The following FBXL17 variants were observed in gnomAD, a reference collection of about 807,000 sequenced individuals.
FBXL17 encodes the protein F-box/LRR-repeat protein 17.
FBXL17 carries 22 observed loss-of-function variants against 66.2 expected under a neutral mutation model. That is an observed-to-expected ratio of 0.33 (90% CI 0.24 to 0.47). The LOEUF (loss-of-function observed/expected upper bound fraction) is 0.47, where lower values mean the gene tolerates loss of function less well. Among genes scored for constraint, FBXL17 ranks in the 20% least tolerant of loss-of-function variants. The pLI is 1.00. For synonymous variants in FBXL17, 474 were observed against 400.5 expected (o/e 1.18, Z -2.19); for missense variants, 878 against 948.2 (o/e 0.93, Z 0.97).
At chr5:108,002,625 C>A (rs1033317980) in intron 7 of FBXL17, among the ~76,000 whole-genome samples, 3 of 151,950 alleles carry the variant, frequency 2.0e-5, no homozygotes, top group African/African-American at 4.8e-5. Context: ...GTAGAAATAA[C>A]CCAAATGTCC....
chr5:107,902,342 TTTAA>T (rs1256614327), intron 7 of FBXL17, among the ~76,000 whole-genome samples: 67 of 152,324 alleles, frequency 4.4e-4, no homozygotes, highest in African/African-American at 1.4e-3. Context: ...TCTGAAATGA[TTTAA>T]TTTATTGATA....
At chr5:108,024,910 A>G (rs765185298) in intron 6 of FBXL17, among the ~76,000 whole-genome samples, 8 of 152,092 alleles carry the variant, frequency 5.3e-5, no homozygotes, top group Non-Finnish European at 8.8e-5. Context: ...CTCCTTAGCA[A>G]TAGATTCGTA....
At chr5:108,076,549 A>AT (rs144248403) in intron 6 of FBXL17, among the ~76,000 whole-genome samples, 58,035 of 152,032 alleles carry the variant, frequency 0.38, 11,379 homozygotes, top group Admixed American at 0.45. Flanking sequence ...ATAAAATGTG[A>AT]TTTTTTTAAA....
At chr5:108,245,098 A>C (rs1756034099) in intron 4 of FBXL17, among the ~76,000 whole-genome samples, 1 of 152,158 alleles carries the variant, frequency 6.6e-6, no homozygotes, top group African/African-American at 2.4e-5. Context: ...AAGGTATTTA[A>C]CTCATATAGA....
intron 4 of FBXL17, among the ~76,000 whole-genome samples, chr5:108,272,223 G>A (rs766944777): frequency 5.3e-5 from 8 of 151,918 alleles, no homozygotes; most frequent in Non-Finnish European, 8.8e-5. Flanking sequence ...CCCAGGAGGC[G>A]GAGCTTGCAG....
At chr5:107,882,740 T>A (rs1043593544) in intron 7 of FBXL17, among the ~76,000 whole-genome samples, 1 of 152,212 alleles carries the variant, frequency 6.6e-6, no homozygotes, top group Non-Finnish European at 1.5e-5. Context: ...ATCCTGAAGA[T>A]CTGCTAAGAA....
chr5:108,069,836 T>C (rs914411244), intron 6 of FBXL17, among the ~76,000 whole-genome samples: 2 of 152,238 alleles, frequency 1.3e-5, no homozygotes, highest in Non-Finnish European at 2.9e-5. Flanking sequence ...CAAAGTTCTA[T>C]AGTGCTGATA....
rs1263316508 is a variant in FBXL17 at position 108,255,795 on chromosome 5, G to A, written c.1507-31567C>T. On this transcript the variant is annotated intron_variant, in intron 4 of 8. Transcript: ENST00000542267. The stretch of plus-strand genomic sequence containing the variant: ...AAAAACATTTGTTGAGGAAATTAGG[G>A]GAGGAAATTAGAGGAAAATTAGAAC... Among the ~76,000 whole-genome samples the A allele has an allele frequency of 2.0e-5, 3 of 152,108 alleles. No individual in the cohort carries two copies. In the East Asian group the frequency reaches 5.8e-4, roughly 29 times the overall value.
intron 4 of FBXL17, among the ~76,000 whole-genome samples, chr5:108,324,259 G>A (rs1215470586): frequency 2.0e-5 from 3 of 152,082 alleles, no homozygotes; most frequent in African/African-American, 4.8e-5. Flanking sequence ...ATTTTAAAAT[G>A]AGTAATGTAT....
At chr5:108,264,662 C>T (rs957366261) in intron 4 of FBXL17, among the ~76,000 whole-genome samples, 3 of 151,998 alleles carry the variant, frequency 2.0e-5, no homozygotes, top group Admixed American at 1.3e-4. Context: ...CATCTAGAAA[C>T]CTTTCTAAAT....
chr5:107,866,309 G>T (rs1580664941), intron 8 of FBXL17, among the ~76,000 whole-genome samples: 1 of 152,050 alleles, frequency 6.6e-6, no homozygotes, highest in South Asian at 2.1e-4. Context: ...AGAAAGACTG[G>T]ATTTTATACT....
chr5:108,320,098 A>G (rs1358534101), intron 4 of FBXL17, among the ~76,000 whole-genome samples: 2 of 151,720 alleles, frequency 1.3e-5, no homozygotes, highest in South Asian at 2.1e-4. Context: ...TGCTAGCTAG[A>G]AATTATTTCA....
At chr5:108,247,742 G>A (rs1345533152) in intron 4 of FBXL17, among the ~76,000 whole-genome samples, 1 of 152,040 alleles carries the variant, frequency 6.6e-6, no homozygotes, top group African/African-American at 2.4e-5. Context: ...ACTTATTTCA[G>A]AGTACCCAGG....
At chr5:108,126,261 T>C (rs1196796089) in intron 6 of FBXL17, among the ~76,000 whole-genome samples, 1 of 152,214 alleles carries the variant, frequency 6.6e-6, no homozygotes, top group East Asian at 1.9e-4. Flanking sequence ...ACCTGGCATA[T>C]GAGACATCGG....
intron 4 of FBXL17, among the ~76,000 whole-genome samples, chr5:108,264,775 T>C (rs1482913125): frequency 6.6e-6 from 1 of 151,924 alleles, no homozygotes; most frequent in Non-Finnish European, 1.5e-5. Context: ...GTTGAATAAA[T>C]CTTAGTATGA....
chr5:108,118,764 C>T (rs1001769688), intron 6 of FBXL17, among the ~76,000 whole-genome samples: 1 of 152,210 alleles, frequency 6.6e-6, no homozygotes, highest in African/African-American at 2.4e-5. Flanking sequence ...CTAGACCCCT[C>T]TCTCACTATC....
In FBXL17 at chr5:108,128,405, G is replaced by A. The variant is rs1750803263; in HGVS notation, c.1745+57712C>T. The stretch of plus-strand genomic sequence containing the variant: ...TTCTCTAATATGACCAGTCAGTTGT[G>A]CTACTAGGGATTTTTTAGTCAACTA... On this transcript the variant is annotated intron_variant, in intron 6 of 8. Coordinates refer to ENST00000542267, the MANE Select transcript of FBXL17 (RefSeq NM_001163315.3). 3.3e-5 allele frequency among the ~76,000 whole-genome samples: 5 copies of A among 152,160 alleles called. No individual in the cohort carries two copies. In the South Asian group the frequency reaches 1.0e-3, roughly 32 times the overall value.
Position 108,381,739 on chromosome 5 carries a change from A to G in FBXL17, c.-48T>C. On this transcript the variant is annotated 5_prime_UTR_variant, in exon 1 of 9. Coordinates refer to ENST00000542267, the MANE Select transcript of FBXL17 (RefSeq NM_001163315.3). ...ACCGGGACGGGAGGGAGGGAGACCC[A>G]GAGAGGCGGGCTCCCGGCAGCGGGG... 1 of 1,383,326 alleles carries G rather than the reference A, an allele frequency of 7.2e-7. No individual in the cohort carries two copies. Among genetic ancestry groups the G allele is most frequent in the Non-Finnish European group, 9.3e-7 (1 of 1,075,068 alleles). The allele number at this position is 1,383,326 out of a possible 1,614,324, so 85.7% of individuals were successfully genotyped here.
intron 5 of FBXL17, among the ~76,000 whole-genome samples, chr5:108,213,519 T>C (rs995276877): frequency 6.6e-6 from 1 of 152,164 alleles, no homozygotes; most frequent in East Asian, 1.9e-4. Flanking sequence ...CAGACTCTCA[T>C]GGCTTCCGCT....
Sources: allele counts gnomAD v4.1 joint callset (sites outside exome capture counted in the v4.1 genomes callset), GRCh38; gene constraint gnomAD v4.1.1; transcripts MANE v1.5; gene names NCBI Gene and HGNC (gene_info 2026-07-23, HGNC 2026-07-21).